The following HLA-DPA1 variants were observed in gnomAD, a reference collection of about 807,000 sequenced individuals.
The protein encoded by HLA-DPA1 is major histocompatibility complex, class II, DP alpha 1.
Under a neutral mutation model 21.5 loss-of-function variants are expected in HLA-DPA1, and 20 were observed. That is an observed-to-expected ratio of 0.93 (90% CI 0.66 to 1.35). The LOEUF is 1.35. Ranked by LOEUF, HLA-DPA1 falls within the 40% of genes most tolerant of loss-of-function variation. HLA-DPA1 has a pLI of 0.00. For missense variants in HLA-DPA1, 279 were observed against 323.0 expected, an observed-to-expected ratio of 0.86 and a Z score of 1.05; for synonymous variants, 123 against 129.6, an observed-to-expected ratio of 0.95 and a Z score of 0.35.
exon 4 of HLA-DPA1, chr6:33,069,042 T>C (rs765581858): frequency 6.2e-7 from 1 of 1,612,868 alleles, no homozygotes; most frequent in East Asian, 2.2e-5. Context: ...GAGCGGCTGG[T>C]CCAAGCCCCA....
At chr6:33,076,215 T>C in intron 1 of HLA-DPA1, 1 of 1,030,564 alleles carries the variant, frequency 9.7e-7, no homozygotes, top group Admixed American at 2.2e-5. Context: ...CTTTAAGGGA[T>C]CAAATTCTGA....
chr6:33,074,774 C>T (rs9296073), intron 1 of HLA-DPA1, among the ~76,000 whole-genome samples: 12,233 of 151,956 alleles, frequency 0.081, 1,356 homozygotes, highest in East Asian at 0.54. Flanking sequence ...CCTGAGACAT[C>T]GAGGAAGTAT....
chr6:33,074,376 T>C (rs193251800), intron 1 of HLA-DPA1, among the ~76,000 whole-genome samples: 4 of 152,316 alleles, frequency 2.6e-5, no homozygotes, highest in African/African-American at 9.6e-5. Flanking sequence ...GTGGTAACAA[T>C]GTGCGCCCAT....
intron 2 of HLA-DPA1, among the ~76,000 whole-genome samples, chr6:33,073,064 G>T (rs1313622431): frequency 6.6e-6 from 1 of 152,208 alleles, no homozygotes; most frequent in African/African-American, 2.4e-5. Flanking sequence ...CCTGATAGTA[G>T]GTCACTGTGT....
chr6:33,073,516 A>T (rs757947184), exon 2 of HLA-DPA1: 4 of 1,613,060 alleles, frequency 2.5e-6, no homozygotes, highest in Non-Finnish European at 3.4e-6. Flanking sequence ...AAAGCCAAGG[A>T]GAGGGCTCTC....
At chr6:33,072,486 T>A (rs1366737773) in intron 2 of HLA-DPA1, among the ~76,000 whole-genome samples, 1 of 152,234 alleles carries the variant, frequency 6.6e-6, no homozygotes, top group Admixed American at 6.5e-5. Flanking sequence ...TATTTGCATC[T>A]ATGAAGAGAA....
Position 33,073,587 on chromosome 6 carries a change from T to C in HLA-DPA1, c.-17A>G, listed in dbSNP as rs752633954. 1.8e-5 allele frequency: 28 copies of C among 1,580,288 alleles called. No homozygotes were observed. In the African/African-American group the frequency reaches 2.2e-4, roughly 12 times the overall value. Reference sequence around the variant, plus strand: ...AGGGCGCATGTTGTGGGGTCTATAATTGATGACTGTGAGCACAGGAACAGT... The same window carrying C: ...AGGGCGCATGTTGTGGGGTCTATAACTGATGACTGTGAGCACAGGAACAGT... On this transcript the variant is annotated 5_prime_UTR_variant, in exon 2 of 6. Coordinates refer to ENST00000419277, the Ensembl canonical transcript of HLA-DPA1.
rs1005656242 is a variant in HLA-DPA1 at position 33,080,169 on chromosome 6, A to G, written c.-100+511T>C. On this transcript the variant is annotated intron_variant, in intron 1 of 5. Transcript: ENST00000419277. This position sits in a 1 kb window ranked among gnomAD's most constrained non-coding sequence, Gnocchi z 4.3. ...TGAGGAATTCTCAAGAAACTGGTCG[A>G]GAAGAGAGAGCGCTTAGCTATGGAA... Among the ~76,000 whole-genome samples, 1 of 152,188 alleles carries G rather than the reference A, an allele frequency of 6.6e-6. No individual in the cohort carries two copies. The highest frequency in any genetic ancestry group is 3.2e-3 in the Middle Eastern group (1 of 316).
rs139148003 is a variant in HLA-DPA1, at chr6:33,073,847, T to C, written c.-99-178A>G. ...CCAGTTCACAGTTCATTTTCAGAGT[T>C]AGAGAAAGAGATGTAAAAAGATAAG... is the stretch of plus-strand genomic sequence containing the variant. On this transcript the variant is annotated intron_variant, in intron 1 of 5. Coordinates refer to ENST00000419277, the Ensembl canonical transcript of HLA-DPA1. 839 of 395,628 alleles carry C rather than the reference T, an allele frequency of 2.1e-3. 10 individuals are homozygous for C. The highest frequency in any genetic ancestry group is 0.01 in the East Asian group (251 of 24,726). 24.5% of individuals were successfully genotyped at this position (395,628 alleles called of 1,614,324 possible). A position where few individuals can be genotyped will look rare whatever the true frequency, so the allele number is the denominator to read the frequency against.
In HLA-DPA1 at chr6:33,071,009, G is replaced by A. The variant is rs575057707; in HGVS notation, c.101-1123C>T. ...GAAAACGATGAATGTGTATGTGAAAGTCTGGGTTTAGAATGATAAATGCAT... is the reference window on the plus strand; with the variant it reads ...GAAAACGATGAATGTGTATGTGAAAATCTGGGTTTAGAATGATAAATGCAT... On this transcript the variant is annotated intron_variant, in intron 2 of 5. Coordinates refer to ENST00000419277, the Ensembl canonical transcript of HLA-DPA1. 6.7e-4 allele frequency among the ~76,000 whole-genome samples: 102 copies of A among 152,308 alleles called. 1 individual carries two copies. Among genetic ancestry groups the A allele is most frequent in the Non-Finnish European group, 1.2e-3 (82 of 68,026 alleles).
intron 2 of HLA-DPA1, among the ~76,000 whole-genome samples, chr6:33,072,488 T>A (rs908549070): frequency 6.6e-6 from 1 of 152,216 alleles, no homozygotes; most frequent in Non-Finnish European, 1.5e-5. Flanking sequence ...TTTGCATCTA[T>A]GAAGAGAAGC....
intron 1 of HLA-DPA1, among the ~76,000 whole-genome samples, chr6:33,079,002 G>A (rs1179631399): frequency 6.6e-6 from 1 of 152,192 alleles, no homozygotes; most frequent in Non-Finnish European, 1.5e-5. Flanking sequence ...GAAGAGGCAG[G>A]TCAGGATATC....
At chr6:33,071,428 T>A (rs2150361578) in intron 2 of HLA-DPA1, among the ~76,000 whole-genome samples, 1 of 152,346 alleles carries the variant, frequency 6.6e-6, no homozygotes, top group East Asian at 1.9e-4. Flanking sequence ...AATACATGAA[T>A]GTCCCTTGTA....
chr6:33,067,840 G>T, intron 5 of HLA-DPA1: 1 of 145,134 alleles, frequency 6.9e-6, no homozygotes. Flanking sequence ...GAGATAAAAG[G>T]GACCAAATAA....
intron 5 of HLA-DPA1, chr6:33,066,750 T>C (rs1369127178): frequency 6.6e-6 from 1 of 152,190 alleles, no homozygotes; most frequent in East Asian, 1.9e-4. Context: ...AGTACAAAAA[T>C]GGACAATGAA....
At chr6:33,069,765 C>A (rs72558171) in exon 3 of HLA-DPA1, 3 of 1,612,656 alleles carry the variant, frequency 1.9e-6, no homozygotes, top group East Asian at 2.2e-5. Context: ...CCTCCAGATG[C>A]CAGACGGTCT....
rs1218729001 is a variant in HLA-DPA1, at chr6:33,069,277, GA to G, written c.369del (p.Lys125ArgfsTer58). ...TGGCCCAGCTCCACAGGCTCCTTGGGAAACACGGTCACCTCAGGGGGATCTG... is the reference window on the plus strand; with the variant it reads ...TGGCCCAGCTCCACAGGCTCCTTGGGAACACGGTCACCTCAGGGGGATCTG... On this transcript the variant is annotated frameshift_variant, in exon 4 of 6. Transcript: ENST00000419277. LOFTEE classifies it high-confidence loss of function. The G allele has an allele frequency of 3.1e-6, 5 of 1,612,804 alleles. No homozygotes were observed. Among genetic ancestry groups the G allele is most frequent in the Non-Finnish European group, 4.2e-6 (5 of 1,179,962 alleles).
At chr6:33,069,053 G>T in exon 4 of HLA-DPA1, 1 of 1,613,066 alleles carries the variant, frequency 6.2e-7, no homozygotes, top group Non-Finnish European at 8.5e-7. Context: ...CCAAGCCCCA[G>T]TGCTCCACCC....
At chr6:33,071,979 G>A (rs79126782) in intron 2 of HLA-DPA1, among the ~76,000 whole-genome samples, 13,523 of 151,376 alleles carry the variant, frequency 0.089, 1,556 homozygotes, top group East Asian at 0.56. Flanking sequence ...AGTGGCAGGT[G>A]CAGGTTAAAT....
Sources: allele counts gnomAD v4.1 joint callset (sites outside exome capture counted in the v4.1 genomes callset), GRCh38; gene constraint gnomAD v4.1.1; non-coding constraint Gnocchi (gnomAD v3.1); transcripts MANE v1.5; gene names NCBI Gene and HGNC (gene_info 2026-07-23, HGNC 2026-07-21).